The following PIGN variants were observed in gnomAD, a reference collection of about 807,000 sequenced individuals.
PIGN encodes the protein phosphatidylinositol glycan anchor biosynthesis class N.
PIGN carries 117 observed loss-of-function variants against 125.4 expected under a neutral mutation model. The ratio of observed to expected loss-of-function variants is 0.93; its 90% CI spans 0.80 to 1.09. PIGN has a LOEUF of 1.09. Among genes scored for constraint, PIGN ranks in the 50% least tolerant of loss-of-function variants. The pLI is 0.00. For missense variants in PIGN, 1,075 were observed against 1,094.9 expected, an observed-to-expected ratio of 0.98 and a Z score of 0.26; for synonymous variants, 392 against 377.8, an observed-to-expected ratio of 1.04 and a Z score of -0.44.
intron 3 of PIGN, among the ~76,000 whole-genome samples, chr18:62,161,633 A>C (rs993796675): frequency 2.6e-5 from 4 of 152,204 alleles, no homozygotes; most frequent in Admixed American, 6.5e-5. Flanking sequence ...AATTGGGACA[A>C]ATAAACTATA....
chr18:62,139,128 C>A, intron 12 of PIGN, 53 bp from the exon 13 acceptor site: 1 of 1,068,644 alleles, frequency 9.4e-7, no homozygotes, highest in Non-Finnish European at 1.4e-6. Context: ...CTCAGGCTAT[C>A]CTTATAAAAC....
In PIGN at chr18:62,088,833, T is replaced by C. The variant is rs974084659; in HGVS notation, c.2293A>G (p.Ile765Val). The C allele has an allele frequency of 9.1e-6, 14 of 1,538,354 alleles. No homozygotes were observed. Among genetic ancestry groups the C allele is most frequent in the Middle Eastern group, 1.7e-4 (1 of 5,966 alleles). The change falls in exon 25 of 31, where the codon ATC (isoleucine) becomes GTC (valine). Residue 765 changes from isoleucine (I) to valine (V), a missense_variant. Coordinates refer to ENST00000640252, the MANE Select transcript of PIGN (RefSeq NM_176787.5). ...GVCCKQKLTS[I>V]QFSYNTDITQ... is the part of the protein sequence containing the mutation. ...ATATCAGTATTATAAGAGAACTGGA[T>C]ACTGGTGAGCTGTGAGATAATAAGA... is the stretch of plus-strand genomic sequence containing the variant.
chr18:62,023,489 A>G (rs1449020584), intron 23 of PIGN, among the ~76,000 whole-genome samples: 2 of 152,208 alleles, frequency 1.3e-5, no homozygotes, highest in Non-Finnish European at 2.9e-5. Flanking sequence ...TTGGGTCACA[A>G]TCACTTTCCT....
At chr18:62,101,834 T>C (rs1457203652) in intron 21 of PIGN, among the ~76,000 whole-genome samples, 1 of 152,222 alleles carries the variant, frequency 6.6e-6, no homozygotes, top group Non-Finnish European at 1.5e-5. Context: ...GAAAAACAGA[T>C]GTTTTCCATC....
In PIGN at chr18:62,070,121, A is replaced by G. The variant is rs543308247; in HGVS notation, c.2672+2552T>C. 1.7e-5 allele frequency: 5 copies of G among 292,024 alleles called. No individual in the cohort carries two copies. In the East Asian group the frequency reaches 2.8e-4, roughly 17 times the overall value. The allele number at this position is 292,024 out of a possible 1,614,324, so 18.1% of individuals were successfully genotyped here. ...CTAAATACTTAAATGCTTTATATAAATTAATTCATTCAAAATGACTACAAG... is the reference window on the plus strand; with the variant it reads ...CTAAATACTTAAATGCTTTATATAAGTTAATTCATTCAAAATGACTACAAG... On this transcript the variant is annotated intron_variant, in intron 30 of 30. Transcript: ENST00000640252.
chr18:62,074,169 C>T (rs1171043709), intron 29 of PIGN, among the ~76,000 whole-genome samples: 1 of 152,214 alleles, frequency 6.6e-6, no homozygotes, highest in East Asian at 1.9e-4. Flanking sequence ...CTGCCCTATG[C>T]ACTGGAATAA....
At chr18:62,136,006 T>C (rs1001128174) in intron 14 of PIGN, 1 of 152,208 alleles carries the variant, frequency 6.6e-6, no homozygotes, top group South Asian at 2.1e-4. Context: ...ATAAACTCTA[T>C]GAATGCAAAG....
At chr18:62,180,724 ATG>A (rs2147974760) in intron 1 of PIGN, among the ~76,000 whole-genome samples, 1 of 152,238 alleles carries the variant, frequency 6.6e-6, no homozygotes, top group African/African-American at 2.4e-5. Context: ...TTACAATTAT[ATG>A]TGTGTGTATG....
At chr18:62,058,306 G>C (rs2031878810) in intron 30 of PIGN, among the ~76,000 whole-genome samples, 1 of 152,134 alleles carries the variant, frequency 6.6e-6, no homozygotes, top group African/African-American at 2.4e-5. Context: ...ACATATAGTT[G>C]ACAATATTGA....
chr18:62,101,213 A>G (rs765513086), intron 21 of PIGN, 30 bp from the exon 22 acceptor site: 1 of 1,288,210 alleles, frequency 7.8e-7, no homozygotes, highest in South Asian at 1.2e-5. Flanking sequence ...AGGTTAAAAA[A>G]AGAGAAGGTA....
In PIGN at chr18:62,181,928, G is replaced by A. The variant is rs148918879; in HGVS notation, c.-236+4916C>T. 8.1e-4 allele frequency among the ~76,000 whole-genome samples: 124 copies of A among 152,262 alleles called. 1 individual carries two copies. In the Middle Eastern group the frequency reaches 0.01, roughly 13 times the overall value. Reference sequence around the variant, plus strand: ...TTTAGTAGAGACAGGGTTTCACCATGTTGGCCAGGCTGGTCTCAAACTCCT... The same window carrying A: ...TTTAGTAGAGACAGGGTTTCACCATATTGGCCAGGCTGGTCTCAAACTCCT... On this transcript the variant is annotated intron_variant, in intron 1 of 30. Coordinates refer to ENST00000640252, the MANE Select transcript of PIGN (RefSeq NM_176787.5).
intron 1 of PIGN, among the ~76,000 whole-genome samples, chr18:62,167,188 G>GCTCTCT (rs148196927): frequency 3.4e-5 from 5 of 147,708 alleles, no homozygotes; most frequent in Admixed American, 6.8e-5. Flanking sequence ...GAGCAGGAGC[G>GCTCTCT]CTCTCTCTCT....
chr18:62,148,258 T>C lies in PIGN; in HGVS notation c.630A>G (p.Leu210=). The C allele has an allele frequency of 6.5e-7, 1 of 1,539,442 alleles. No individual in the cohort carries two copies. The highest frequency in any genetic ancestry group is 8.8e-7 in the Non-Finnish European group (1 of 1,140,726). The change falls in exon 8 of 31, where the codon TTA becomes TTG. Residue 210 remains leucine, a synonymous_variant. Transcript: ENST00000640252. ...CATGTCCGTTTGTATCTATTCCTAA[T>C]AAATGTAAGAAAAAAACTATTTTCT... The part of the protein sequence containing the change: ...NEEKIVFFLH[L]LGIDTNGHAH...
intron 30 of PIGN, chr18:62,056,621 C>A (rs563351452): frequency 6.6e-6 from 1 of 152,472 alleles, no homozygotes; most frequent in Non-Finnish European, 1.5e-5. Flanking sequence ...GCCTCAGGTA[C>A]CTTTCTTGTC....
At chr18:62,168,995 A>G (rs1023019858) in intron 1 of PIGN, among the ~76,000 whole-genome samples, 1 of 151,840 alleles carries the variant, frequency 6.6e-6, no homozygotes, top group Non-Finnish European at 1.5e-5. Flanking sequence ...AGCTGGGACT[A>G]CAGACGTGTA....
chr18:62,036,248 T>G (rs1277360697), downstream of PIGN, among the ~76,000 whole-genome samples: 1 of 152,156 alleles, frequency 6.6e-6, no homozygotes, highest in Non-Finnish European at 1.5e-5. Context: ...TGTTGTTGTT[T>G]TTTAAATCCC....
At chr18:62,065,612 G>A (rs1038009596) in intron 30 of PIGN, among the ~76,000 whole-genome samples, 25 of 151,996 alleles carry the variant, frequency 1.6e-4, no homozygotes, top group Admixed American at 4.6e-4. Flanking sequence ...GGTGGTGGGC[G>A]CCTGTAGTCC....
Position 62,102,840 on chromosome 18 carries a change from CT to C in PIGN, c.1921del (p.Arg641GlufsTer6). 1 of 1,584,080 alleles carries C rather than the reference CT, an allele frequency of 6.3e-7. No individual in the cohort carries two copies. Reference protein sequence around the residue: ...SLCVVTSLMKRKDSFIKEELL... With the variant: ...SLCVVTSLMKXKDSFIKEELL... ...CTCTTCCTTTATAAAGCTATCTTTT[CT>C]TTTCATGAGAGATGTTACAACACAC... On this transcript the variant is annotated frameshift_variant, in exon 21 of 31. Coordinates refer to ENST00000640252, the MANE Select transcript of PIGN (RefSeq NM_176787.5). LOFTEE classifies it high-confidence loss of function.
Position 62,041,873 on chromosome 18 carries a change from G to C in PIGN, c.*3983C>G, listed in dbSNP as rs1217734034. The C allele has an allele frequency of 2.0e-5, 3 of 152,012 alleles. No individual in the cohort carries two copies. Among genetic ancestry groups the C allele is most frequent in the Admixed American group, 6.6e-5 (1 of 15,252 alleles). 9.4% of individuals were successfully genotyped at this position (152,012 alleles called of 1,614,324 possible). On this transcript the variant is annotated 3_prime_UTR_variant, in exon 31 of 31. Coordinates refer to ENST00000640252, the MANE Select transcript of PIGN (RefSeq NM_176787.5). Reference sequence around the variant, plus strand: ...TTACCAATCAGGAAGAAAACTCTAAGACAGGGTCTGCTGTCAAGCTAGTGG... The same window carrying C: ...TTACCAATCAGGAAGAAAACTCTAACACAGGGTCTGCTGTCAAGCTAGTGG...
Sources: gnomAD v4.1 joint callset for allele counts (sites outside exome capture counted in the v4.1 genomes callset) on GRCh38, gnomAD v4.1.1 for gene constraint, MANE v1.5 for transcripts, NCBI Gene and HGNC (gene_info 2026-07-23, HGNC 2026-07-21) for gene names.